Variants in CNTNAP3B observed in about 807,000 individuals in gnomAD.
The protein encoded by CNTNAP3B is contactin-associated protein-like 3B.
In CNTNAP3B, 25 loss-of-function variants were observed where a neutral mutation model predicts 108.9. The observed-to-expected ratio is 0.23, with a 90% confidence interval of 0.17 to 0.32. The LOEUF (loss-of-function observed/expected upper bound fraction) is 0.32. Among genes scored for constraint, CNTNAP3B ranks in the 10% least tolerant of loss-of-function variants. The pLI is 1.00. For missense variants in CNTNAP3B, 252 were observed against 1,210.4 expected (o/e 0.21, Z 11.75); for synonymous variants, 103 against 473.4 (o/e 0.22, Z 10.16).
At chr9:41,967,168 T>A (rs184227097) in intron 10 of CNTNAP3B, among the ~76,000 whole-genome samples, 1 of 151,472 alleles carries the variant, frequency 6.6e-6, no homozygotes, top group South Asian at 2.1e-4. Flanking sequence ...GAGTTAGTGA[T>A]ATGGTTTGGC....
chr9:42,086,468 G>A (rs1335467296), intron 2 of CNTNAP3B, among the ~76,000 whole-genome samples: 9 of 137,460 alleles, frequency 6.5e-5, no homozygotes, highest in Admixed American at 5.1e-4. Context: ...TTTTACAACA[G>A]GCGGAGTCTC....
Position 42,063,341 on chromosome 9 carries a change from G to GT in CNTNAP3B, c.390+13527dup, listed in dbSNP as rs1173549394. Among the ~76,000 whole-genome samples, 6 of 132,776 alleles carry GT rather than the reference G, an allele frequency of 4.5e-5. 1 individual carries two copies. Among genetic ancestry groups the GT allele is most frequent in the Non-Finnish European group, 6.3e-5 (4 of 63,074 alleles). 87.1% of individuals were successfully genotyped at this position (132,776 alleles called of 152,430 possible). A position where few individuals can be genotyped will look rare whatever the true frequency, so the allele number is the denominator to read the frequency against. ...TGGTTGACAGTTTTTGTTATGTTTT[G>GT]TTTTTTTCCTTTCAGCACTTGAATA... On this transcript the variant is annotated intron_variant, in intron 3 of 23. Coordinates refer to ENST00000377561, the MANE Select transcript of CNTNAP3B (RefSeq NM_001201380.3).
At chr9:41,931,900 C>T (rs1222882414) in intron 14 of CNTNAP3B, among the ~76,000 whole-genome samples, 1 of 151,122 alleles carries the variant, frequency 6.6e-6, no homozygotes, top group African/African-American at 2.4e-5. Flanking sequence ...AAGTTTCATT[C>T]CATTTTCAAT....
chr9:41,986,446 A>G, intron 8 of CNTNAP3B, 135 bp from the exon 9 acceptor site: 5 of 1,065,546 alleles, frequency 4.7e-6, no homozygotes, highest in African/African-American at 1.8e-5. Context: ...TGAAAAAAAC[A>G]TTAACCACCT....
intron 14 of CNTNAP3B, among the ~76,000 whole-genome samples, chr9:41,937,097 C>A (rs940433349): frequency 2.3e-5 from 3 of 132,534 alleles, no homozygotes; most frequent in African/African-American, 8.8e-5. Context: ...ATGACCATTA[C>A]ATTTTTTATT....
chr9:42,111,523 G>A (rs1283442418), intron 1 of CNTNAP3B, among the ~76,000 whole-genome samples: 1 of 138,220 alleles, frequency 7.2e-6, no homozygotes, highest in East Asian at 2.2e-4. Flanking sequence ...CCAAGAATGA[G>A]GCCAGTTGTA....
At chr9:41,983,233 T>C (rs1445555336) in intron 9 of CNTNAP3B, 2 of 134,760 alleles carry the variant, frequency 1.5e-5, no homozygotes, top group Admixed American at 7.5e-5. Flanking sequence ...GTATTTTCTG[T>C]AGGAAATGGG....
chr9:41,986,311 C>T lies in CNTNAP3B; in HGVS notation c.1334G>A (p.Gly445Asp), dbSNP rs1825701753. The stretch of plus-strand genomic sequence containing the variant: ...CCACTGCCCATCGTTTAATCCAGCA[C>T]CTGGAGGAAATACAATCAGTCAGAG... The part of the protein sequence containing the change: ...AGQSPRNVTA[G>D]AGLNDGQWHS... The change falls in exon 9 of 24, where the codon GGT becomes GAT. Residue 445 changes from glycine to aspartate, a missense_variant and splice_region_variant. Physicochemically the swap from Gly to Asp is moderately conservative, Grantham distance 94. Transcript: ENST00000377561. The T allele has an allele frequency of 9.0e-7, 1 of 1,112,190 alleles. No individual in the cohort carries two copies. Among genetic ancestry groups the T allele is most frequent in the Non-Finnish European group, 1.2e-6 (1 of 824,618 alleles). 68.9% of individuals were successfully genotyped at this position (1,112,190 alleles called of 1,614,324 possible).
chr9:41,992,079 G>T, intron 7 of CNTNAP3B, among the ~76,000 whole-genome samples: 1 of 137,186 alleles, frequency 7.3e-6, no homozygotes, highest in Non-Finnish European at 1.6e-5. Context: ...CTGTATGTGT[G>T]TGAGAAATTC....
intron 13 of CNTNAP3B, among the ~76,000 whole-genome samples, chr9:41,945,902 T>C (rs1247781765): frequency 4.6e-5 from 7 of 152,292 alleles, no homozygotes; most frequent in African/African-American, 1.2e-4. Context: ...AGATATACCA[T>C]GGTAACACTA....
At position 41,968,984 on chromosome 9, in the gene CNTNAP3B, G is replaced by T. The variant is rs1446734482; in HGVS notation, c.1649+1090C>A. Among the ~76,000 whole-genome samples, 4 of 152,380 alleles carry T rather than the reference G, an allele frequency of 2.6e-5. No individual in the cohort carries two copies. In the East Asian group the frequency reaches 7.7e-4, roughly 29 times the overall value. Reference sequence around the variant, plus strand: ...GCTAATTTTTTGCATTTTTAGTAGAGACGGGGTTTCACCATGTTAGCCAGG... The same window carrying T: ...GCTAATTTTTTGCATTTTTAGTAGATACGGGGTTTCACCATGTTAGCCAGG... On this transcript the variant is annotated intron_variant, in intron 10 of 23. Transcript: ENST00000377561.
chr9:41,979,980 C>A (rs1354815282), intron 9 of CNTNAP3B: 12 of 66,626 alleles, frequency 1.8e-4, no homozygotes, highest in African/African-American at 6.6e-4. Flanking sequence ...GGCCATTGTC[C>A]AAGGGTTTAG....
intron 9 of CNTNAP3B, among the ~76,000 whole-genome samples, chr9:41,978,781 G>C (rs1825567321): frequency 7.1e-6 from 1 of 141,588 alleles, no homozygotes. Context: ...TGGTAAGAGA[G>C]CAGATTTTCA....
At chr9:41,967,432 A>G (rs1489091748) in intron 10 of CNTNAP3B, among the ~76,000 whole-genome samples, 2 of 151,340 alleles carry the variant, frequency 1.3e-5, no homozygotes, top group African/African-American at 4.9e-5. Context: ...AGGTCTCCCC[A>G]GCCATGTGGA....
In CNTNAP3B at chr9:41,975,195, G is replaced by A. The variant is rs576723627; in HGVS notation, c.1478-4950C>T. Reference sequence around the variant, plus strand: ...TAGCAAATCAGGCGGCAAGATCATCGTGGGCGACGCCGCAGAGAAAGATGC... The same window carrying A: ...TAGCAAATCAGGCGGCAAGATCATCATGGGCGACGCCGCAGAGAAAGATGC... On this transcript the variant is annotated intron_variant, in intron 9 of 23. Coordinates refer to ENST00000377561, the MANE Select transcript of CNTNAP3B (RefSeq NM_001201380.3). 1.2e-3 allele frequency: 219 copies of A among 190,268 alleles called. 20 individuals carry two copies. Among genetic ancestry groups the A allele is most frequent in the Middle Eastern group, 6.4e-3 (3 of 472 alleles). 11.8% of individuals were successfully genotyped at this position (190,268 alleles called of 1,614,324 possible).
intron 15 of CNTNAP3B, among the ~76,000 whole-genome samples, chr9:41,924,721 C>T (rs1360770916): frequency 2.6e-5 from 4 of 151,696 alleles, no homozygotes; most frequent in Non-Finnish European, 5.9e-5. Context: ...CAAGAACAAT[C>T]AAGAACAAGA....
intron 13 of CNTNAP3B, among the ~76,000 whole-genome samples, chr9:41,952,168 C>A (rs1824709014): frequency 6.6e-6 from 1 of 152,248 alleles, no homozygotes; most frequent in Non-Finnish European, 1.5e-5. Context: ...TCAGCGCAAA[C>A]CACCTTCAGA....
In CNTNAP3B at chr9:41,941,481, G is replaced by A. The variant is rs1824341018; in HGVS notation, c.2081-3081C>T. Among the ~76,000 whole-genome samples, 3 of 151,384 alleles carry A rather than the reference G, an allele frequency of 2.0e-5. No individual in the cohort carries two copies. The South Asian group carries it at 6.3e-4, about 32-fold the overall frequency. ...TGATTTAAAAAAAAATCACCAGGAA[G>A]ACATAAATGCATATGCAAGAAACAA... is the stretch of plus-strand genomic sequence containing the variant. On this transcript the variant is annotated intron_variant, in intron 13 of 23. Transcript: ENST00000377561.
rs1307370637 is a variant in CNTNAP3B at position 42,123,503 on chromosome 9, G to A, written c.85+5507C>T. Among the ~76,000 whole-genome samples the A allele has an allele frequency of 1.6e-5, 2 of 125,960 alleles. 1 individual carries two copies. The highest frequency in any genetic ancestry group is 6.4e-5 in the African/African-American group (2 of 31,024). The allele number at this position is 125,960 out of a possible 152,430, so 82.6% of individuals were successfully genotyped here. ...TCAACTGTTTGTTCAGTTTCCAAAGGAATCCTTCCATTTTGGTCTAGTGTT... is the reference window on the plus strand; with the variant it reads ...TCAACTGTTTGTTCAGTTTCCAAAGAAATCCTTCCATTTTGGTCTAGTGTT... On this transcript the variant is annotated intron_variant, in intron 1 of 23. Transcript: ENST00000377561.
Sources: gnomAD v4.1 joint callset for allele counts (sites outside exome capture counted in the v4.1 genomes callset) on GRCh38, gnomAD v4.1.1 for gene constraint, MANE v1.5 for transcripts, NCBI Gene and HGNC (gene_info 2026-07-23, HGNC 2026-07-21) for gene names.